Variants in PAPPA2 observed in about 807,000 individuals in gnomAD.
The protein encoded by PAPPA2 is pappalysin 2.
A neutral mutation model predicts 176.4 loss-of-function variants in PAPPA2; 86 were observed. That is an observed-to-expected ratio of 0.49 (90% CI 0.41 to 0.58). The LOEUF is 0.58. PAPPA2 is among the 20% of genes least tolerant of loss of function. PAPPA2 has a pLI of 0.00. For missense variants in PAPPA2, 2,073 were observed against 2,256.9 expected (o/e 0.92, Z 1.65); for synonymous variants, 809 against 852.2 (o/e 0.95, Z 0.88).
At chr1:176,669,144 G>A (rs1239855292) in intron 3 of PAPPA2, among the ~76,000 whole-genome samples, 2 of 152,078 alleles carry the variant, frequency 1.3e-5, no homozygotes, top group East Asian at 3.9e-4. Flanking sequence ...GGAGAAGAGA[G>A]AGAAAGCTGT....
intron 12 of PAPPA2, among the ~76,000 whole-genome samples, chr1:176,730,940 A>G (rs1168922547): frequency 2.0e-5 from 3 of 151,928 alleles, no homozygotes; most frequent in Non-Finnish European, 4.4e-5. Context: ...TCTTTATTAG[A>G]TATTTTTTTC....
chr1:176,702,535 A>G, intron 8 of PAPPA2, 72 bp from the exon 9 acceptor site: 1 of 1,582,428 alleles, frequency 6.3e-7, no homozygotes. Context: ...ACTTCTGTGA[A>G]CCATCAACAA....
At chr1:176,760,648 A>G (rs1324925894) in intron 14 of PAPPA2, among the ~76,000 whole-genome samples, 1 of 152,222 alleles carries the variant, frequency 6.6e-6, no homozygotes, top group Non-Finnish European at 1.5e-5. Flanking sequence ...TACAGTTATC[A>G]TTCACATACA....
At chr1:176,534,341 G>T (rs576998012) in intron 1 of PAPPA2, among the ~76,000 whole-genome samples, 1 of 152,128 alleles carries the variant, frequency 6.6e-6, no homozygotes, top group Non-Finnish European at 1.5e-5. Flanking sequence ...TCTGGGCCCA[G>T]CCTACTCATT....
intron 2 of PAPPA2, among the ~76,000 whole-genome samples, chr1:176,583,332 G>A (rs1378792856): frequency 1.3e-5 from 2 of 151,676 alleles, no homozygotes; most frequent in African/African-American, 4.8e-5. Flanking sequence ...TTTTGAAATA[G>A]TTCCAATTTT....
Position 176,769,609 on chromosome 1 carries a change from G to A in PAPPA2, c.4326G>A (p.Lys1442=). ...AGAAGCAATTTCTCTGTTTCTAGAA[G>A]GAAATTCTGCTCACATGTTCTTCTG... ...SSGQYIRPMQ[K]EILLTCSSGH... Residue 1442 remains lysine (K), a splice_region_variant and synonymous_variant, in exon 16 of 23, where the codon AAG becomes AAA. Coordinates refer to ENST00000367662, the MANE Select transcript of PAPPA2 (RefSeq NM_020318.3). 6.2e-7 allele frequency: 1 copy of A among 1,613,118 alleles called. No individual in the cohort carries two copies. Among genetic ancestry groups the A allele is most frequent in the East Asian group, 2.2e-5 (1 of 44,852 alleles).
chr1:176,722,964 G>A (rs1197742999), intron 12 of PAPPA2, among the ~76,000 whole-genome samples: 1 of 152,202 alleles, frequency 6.6e-6, no homozygotes. Context: ...CCACAGACTG[G>A]TTAGTTTATA....
chr1:176,571,504 C>T (rs948033066), intron 2 of PAPPA2, among the ~76,000 whole-genome samples: 2 of 152,112 alleles, frequency 1.3e-5, no homozygotes, highest in African/African-American at 4.8e-5. Flanking sequence ...TTGGTTAATG[C>T]CTGTTGCTAT....
At chr1:176,737,742 T>G (rs1464150327) in intron 12 of PAPPA2, among the ~76,000 whole-genome samples, 2 of 152,066 alleles carry the variant, frequency 1.3e-5, no homozygotes, top group East Asian at 3.9e-4. Flanking sequence ...CAAAGACCCT[T>G]GGAGCAAGGA....
chr1:176,757,955 T>C (rs1332631577), intron 14 of PAPPA2, among the ~76,000 whole-genome samples: 1 of 152,158 alleles, frequency 6.6e-6, no homozygotes, highest in East Asian at 1.9e-4. Flanking sequence ...GTTCTGAACT[T>C]ACAAATAGGT....
At chr1:176,763,482 A>G (rs1400714342) in intron 14 of PAPPA2, among the ~76,000 whole-genome samples, 1 of 152,214 alleles carries the variant, frequency 6.6e-6, no homozygotes, top group African/African-American at 2.4e-5. Context: ...ATAAAATTTA[A>G]CAAATTTCTC....
chr1:176,616,582 A>C, intron 3 of PAPPA2: 2 of 1,541,098 alleles, frequency 1.3e-6, no homozygotes, highest in South Asian at 2.2e-5. Flanking sequence ...CCATCACCAA[A>C]AGGCCAATTG....
Position 176,633,777 on chromosome 1 carries a change from G to T in PAPPA2, c.1992-37193G>T, listed in dbSNP as rs1362232901. Among the ~76,000 whole-genome samples, 2 of 152,128 alleles carry T rather than the reference G, an allele frequency of 1.3e-5. 1 individual carries two copies. Among genetic ancestry groups the T allele is most frequent in the South Asian group, 4.2e-4 (2 of 4,818 alleles). ...AACAAACAACCCCATCAAAAAGTGG[G>T]CAAAGGATATGAACAGACACTTCTC... On this transcript the variant is annotated intron_variant, in intron 3 of 22. Coordinates refer to ENST00000367662, the MANE Select transcript of PAPPA2 (RefSeq NM_020318.3).
chr1:176,526,074 GCTGA>G (rs1190177836), intron 1 of PAPPA2, among the ~76,000 whole-genome samples: 1 of 152,144 alleles, frequency 6.6e-6, no homozygotes, highest in East Asian at 1.9e-4. Context: ...CTTGGTGACT[GCTGA>G]CTGAGGGCTT....
At chr1:176,694,119 C>T (rs1660248578) in intron 6 of PAPPA2, among the ~76,000 whole-genome samples, 1 of 152,142 alleles carries the variant, frequency 6.6e-6, no homozygotes, top group Non-Finnish European at 1.5e-5. Flanking sequence ...GTTGTGTTTA[C>T]TCCACCCCAG....
chr1:176,676,442 G>C (rs1490873189), intron 4 of PAPPA2, among the ~76,000 whole-genome samples: 1 of 151,542 alleles, frequency 6.6e-6, no homozygotes, highest in Non-Finnish European at 1.5e-5. Flanking sequence ...GATCTCAAGG[G>C]CATTATGCTA....
chr1:176,662,369 G>T (rs1188598872), intron 3 of PAPPA2, among the ~76,000 whole-genome samples: 1 of 152,050 alleles, frequency 6.6e-6, no homozygotes, highest in Non-Finnish European at 1.5e-5. Context: ...AATAAATGGT[G>T]CCAGGTAAAT....
At chr1:176,653,423 CACA>C (rs1657858598) in intron 3 of PAPPA2, among the ~76,000 whole-genome samples, 1 of 151,690 alleles carries the variant, frequency 6.6e-6, no homozygotes, top group South Asian at 2.1e-4. Context: ...TCAGGAGGTT[CACA>C]ACAAGTGAAG....
chr1:176,794,570 A>G (rs530300460), intron 20 of PAPPA2, among the ~76,000 whole-genome samples: 6 of 152,312 alleles, frequency 3.9e-5, no homozygotes, highest in African/African-American at 1.4e-4. Context: ...TGTATATACA[A>G]TAATGTCTAG....
Sources: gnomAD v4.1 joint callset for allele counts (sites outside exome capture counted in the v4.1 genomes callset) on GRCh38, gnomAD v4.1.1 for gene constraint, MANE v1.5 for transcripts, NCBI Gene and HGNC (gene_info 2026-07-23, HGNC 2026-07-21) for gene names.